MAMDC2: variants seen among roughly 807,000 people sequenced by gnomAD.
MAMDC2 encodes the protein MAM domain-containing protein 2.
Under a neutral mutation model 89.8 loss-of-function variants are expected in MAMDC2, and 57 were observed. The observed-to-expected ratio is 0.63, with a 90% confidence interval of 0.51 to 0.79. The LOEUF is 0.79. MAMDC2 is among the 30% of genes least tolerant of loss of function. The pLI is 0.00. For synonymous variants in MAMDC2, 313 were observed against 293.4 expected (o/e 1.07, Z -0.68); for missense variants, 800 against 820.6 (o/e 0.97, Z 0.31).
intron 2 of MAMDC2, among the ~76,000 whole-genome samples, chr9:70,064,163 A>AT (rs1446750787): frequency 6.6e-6 from 1 of 151,968 alleles, no homozygotes; most frequent in African/African-American, 2.4e-5. Context: ...GGACATATGA[A>AT]TTTTTTTAAA....
At chr9:70,115,745 A>T (rs1176077154) in intron 5 of MAMDC2, among the ~76,000 whole-genome samples, 1 of 152,226 alleles carries the variant, frequency 6.6e-6, no homozygotes, top group Non-Finnish European at 1.5e-5. Context: ...ACTATAAATA[A>T]GTGCTCTGTG....
At chr9:70,192,411 A>ATGAT (rs1458830709) in intron 11 of MAMDC2, among the ~76,000 whole-genome samples, 2 of 152,062 alleles carry the variant, frequency 1.3e-5, no homozygotes, top group Non-Finnish European at 2.9e-5. Flanking sequence ...AGTGCTCTGA[A>ATGAT]TGATATATTT....
chr9:70,106,749 C>T (rs1239840459), intron 2 of MAMDC2, among the ~76,000 whole-genome samples: 1 of 152,110 alleles, frequency 6.6e-6, no homozygotes, highest in Non-Finnish European at 1.5e-5. Context: ...ACCCAGTGGG[C>T]GGTTGCTATG....
intron 11 of MAMDC2, among the ~76,000 whole-genome samples, chr9:70,180,088 C>T (rs1366298215): frequency 1.3e-5 from 2 of 151,810 alleles, no homozygotes; most frequent in Admixed American, 1.3e-4. Context: ...TGTTCAACTC[C>T]CACTTATGAG....
chr9:70,120,610 T>C (rs1354452735), intron 5 of MAMDC2, among the ~76,000 whole-genome samples: 2 of 152,134 alleles, frequency 1.3e-5, no homozygotes, highest in Non-Finnish European at 2.9e-5. Context: ...GGGCTAACAC[T>C]TGTAGAGCTG....
chr9:70,045,731 G>T (rs1826733868), intron 2 of MAMDC2, among the ~76,000 whole-genome samples: 1 of 152,162 alleles, frequency 6.6e-6, no homozygotes, highest in Non-Finnish European at 1.5e-5. Flanking sequence ...GACCCTCACA[G>T]GTAGGTGATG....
chr9:70,218,850 C>T (rs973240754), intron 12 of MAMDC2, among the ~76,000 whole-genome samples: 1 of 152,160 alleles, frequency 6.6e-6, no homozygotes, highest in Non-Finnish European at 1.5e-5. Flanking sequence ...CTATTTTTGT[C>T]TTGATACATT....
intron 2 of MAMDC2, chr9:70,088,947 T>G (rs1343015095): frequency 6.6e-6 from 1 of 152,158 alleles, no homozygotes; most frequent in African/African-American, 2.4e-5. Context: ...GAATGTACAC[T>G]ACACCAGGAA....
At chr9:70,060,365 G>T (rs982816212) in intron 2 of MAMDC2, among the ~76,000 whole-genome samples, 1 of 152,154 alleles carries the variant, frequency 6.6e-6, no homozygotes, top group Admixed American at 6.5e-5. Flanking sequence ...TAAATAAAAA[G>T]AAATAACAGA....
At chr9:70,126,837 T>C (rs948370363) in intron 6 of MAMDC2, among the ~76,000 whole-genome samples, 20 of 152,120 alleles carry the variant, frequency 1.3e-4, no homozygotes, top group African/African-American at 4.6e-4. Context: ...TTTTTTTTTT[T>C]TTTTTAGAAA....
rs774486468 is a variant in MAMDC2, at chr9:70,143,770, G to T, written c.1355G>T (p.Gly452Val). The change falls in exon 9 of 14, where the codon GGT (glycine) becomes GTT (valine). Residue 452 changes from glycine (G) to valine (V), a missense_variant. Coordinates refer to ENST00000377182, the MANE Select transcript of MAMDC2 (RefSeq NM_153267.5). Reference protein sequence around the residue: ...KIWSVLESPRGVWMQAEITFK... With the variant: ...KIWSVLESPRVVWMQAEITFK... The stretch of plus-strand genomic sequence containing the variant: ...TGGTCTGTGTTGGAGTCCCCAAGGG[G>T]TGTTTGGATGCAAGCTGAAATCACC... 1.2e-6 allele frequency: 2 copies of T among 1,614,190 alleles called. No individual in the cohort carries two copies. Among genetic ancestry groups the T allele is most frequent in the Non-Finnish European group, 8.5e-7 (1 of 1,180,022 alleles).
chr9:70,068,896 A>G (rs1827333562), intron 2 of MAMDC2, among the ~76,000 whole-genome samples: 1 of 152,230 alleles, frequency 6.6e-6, no homozygotes, highest in Non-Finnish European at 1.5e-5. Context: ...AGAGGTAGAC[A>G]TTACAATGCT....
rs931446145 is a variant in MAMDC2 at position 70,226,130 on chromosome 9, A to G, written c.*98A>G. On this transcript the variant is annotated 3_prime_UTR_variant, in exon 14 of 14. Coordinates refer to ENST00000377182, the MANE Select transcript of MAMDC2 (RefSeq NM_153267.5). ...AATACTGGACAGTCTTAACAATTTT[A>G]TAAGTTATAAAATGACTTTAGAGCA... The G allele has an allele frequency of 1.3e-5, 9 of 694,224 alleles. No homozygotes were observed. Among genetic ancestry groups the G allele is most frequent in the Non-Finnish European group, 1.2e-5 (5 of 431,788 alleles). The allele number at this position is 694,224 out of a possible 1,614,324, so 43.0% of individuals were successfully genotyped here.
Position 70,225,983 on chromosome 9 carries a change from C to G in MAMDC2, c.2012C>G (p.Thr671Ser). ...TTCCTGACAGAAATGGAAGATACAA[C>G]TCAACAATCATCAGGATATTCTGAG... ...AGPCGEMEDT[T>S]QQSSGYSEDL... The change falls in exon 14 of 14, where the codon ACT becomes AGT. Residue 671 changes from threonine (T) to serine (S), a missense_variant. By Grantham distance (58) the Thr-to-Ser change is moderately conservative (BLOSUM62 1). Transcript: ENST00000377182. 2 of 1,584,236 alleles carry G rather than the reference C, an allele frequency of 1.3e-6. No individual in the cohort carries two copies. Among genetic ancestry groups the G allele is most frequent in the Non-Finnish European group, 1.7e-6 (2 of 1,161,010 alleles).
At position 70,143,819 on chromosome 9, in the gene MAMDC2, G is replaced by C; in HGVS notation, c.1404G>C (p.Lys468Asn). The C allele has an allele frequency of 6.2e-7, 1 of 1,612,352 alleles. No homozygotes were observed. The highest frequency in any genetic ancestry group is 8.5e-7 in the Non-Finnish European group (1 of 1,178,860). The change falls in exon 9 of 14, where the codon AAG becomes AAC. Residue 468 changes from lysine (K) to asparagine (N), a missense_variant and splice_region_variant. Transcript: ENST00000377182. ...EITFKKPMPT[K>N]VVFMSLCKSF... ...CCTTTAAGAAGCCCATGCCTACCAAGGTACAGCAGAGCCAATTTCTCCTGT... is the reference window on the plus strand; with the variant it reads ...CCTTTAAGAAGCCCATGCCTACCAACGTACAGCAGAGCCAATTTCTCCTGT...
rs1564005264 is a variant in MAMDC2, at chr9:70,221,403, A to AGAGAGAGAGAGAGAGAGAGAGAGAGG, written c.1911+2812_1911+2813insAGAGAGAGAGAGAGAGAGAGGGAGAG. Among the ~76,000 whole-genome samples, 3 of 122,954 alleles carry AGAGAGAGAGAGAGAGAGAGAGAGAGG rather than the reference A, an allele frequency of 2.4e-5. No homozygotes were observed. In the East Asian group the frequency reaches 7.2e-4, roughly 30 times the overall value. The allele number at this position is 122,954 out of a possible 152,430, so 80.7% of individuals were successfully genotyped here. ...TATAGAGAGAGAGAGAGAGAGAGAG[A>AGAGAGAGAGAGAGAGAGAGAGAGAGG]GAGAGTAACATCAGATAACAAGTGC... On this transcript the variant is annotated intron_variant, in intron 12 of 13. Coordinates refer to ENST00000377182, the MANE Select transcript of MAMDC2 (RefSeq NM_153267.5).
At chr9:70,085,611 T>C (rs1342973063) in intron 2 of MAMDC2, among the ~76,000 whole-genome samples, 1 of 152,080 alleles carries the variant, frequency 6.6e-6, no homozygotes, top group Non-Finnish European at 1.5e-5. Context: ...TTCCAAATCC[T>C]GAGATGTGTT....
chr9:70,223,503 A>T (rs1321244151), intron 12 of MAMDC2, among the ~76,000 whole-genome samples: 1 of 152,156 alleles, frequency 6.6e-6, no homozygotes, highest in East Asian at 1.9e-4. Flanking sequence ...CTACCAAAAA[A>T]CTCAGCTCTA....
chr9:70,132,998 G>T (rs920163225), intron 7 of MAMDC2, among the ~76,000 whole-genome samples: 1 of 152,106 alleles, frequency 6.6e-6, no homozygotes, highest in Admixed American at 6.6e-5. Context: ...AATAATCAAA[G>T]ATTAAAAGAG....
Sources: allele counts gnomAD v4.1 joint callset (sites outside exome capture counted in the v4.1 genomes callset), GRCh38; gene constraint gnomAD v4.1.1; transcripts MANE v1.5; gene names NCBI Gene and HGNC (gene_info 2026-07-23, HGNC 2026-07-21).